Variants in UNC13C observed in about 807,000 individuals in gnomAD.
UNC13C encodes the protein protein unc-13 homolog C.
A neutral mutation model predicts 245.4 loss-of-function variants in UNC13C; 174 were observed. The ratio of observed to expected loss-of-function variants is 0.71; its 90% confidence interval spans 0.63 to 0.80. UNC13C has a LOEUF of 0.80. Among genes scored for constraint, UNC13C ranks in the 30% least tolerant of loss-of-function variants. The pLI is 0.00. For missense variants in UNC13C, 2,829 were observed against 2,602.9 expected, an observed-to-expected ratio of 1.09 and a Z score of -1.89; for synonymous variants, 992 against 895.1, an observed-to-expected ratio of 1.11 and a Z score of -1.93.
In UNC13C at chr15:54,237,782, G is replaced by A. The variant is rs2035743266; in HGVS notation, c.3228+92G>A. On this transcript the variant is annotated intron_variant, in intron 7 of 32. Coordinates refer to ENST00000260323, the MANE Select transcript of UNC13C (RefSeq NM_001080534.3). ...TCTGCTTGAGCTACTCATCTGTGAT[G>A]TTTAGTCCAATGTTCCAGAAATAAC... is the stretch of plus-strand genomic sequence containing the variant. 4 of 1,086,118 alleles carry A rather than the reference G, an allele frequency of 3.7e-6. No individual in the cohort carries two copies. The African/African-American group carries it at 4.7e-5, about 13-fold the overall frequency. The allele number at this position is 1,086,118 out of a possible 1,614,324, so 67.3% of individuals were successfully genotyped here. A position where few individuals can be genotyped will look rare whatever the true frequency, so the allele number is the denominator to read the frequency against.
intron 30 of UNC13C, among the ~76,000 whole-genome samples, chr15:54,615,846 T>G (rs1900400473): frequency 6.6e-6 from 1 of 152,006 alleles, no homozygotes; most frequent in Non-Finnish European, 1.5e-5. Context: ...ACAAGCTAGT[T>G]TGTCAGTGGA....
At chr15:54,469,503 A>C (rs566585755) in intron 19 of UNC13C, among the ~76,000 whole-genome samples, 23 of 151,480 alleles carry the variant, frequency 1.5e-4, no homozygotes, top group Non-Finnish European at 1.3e-4. Flanking sequence ...CCCCCTGTAG[A>C]TACCAAAATC....
chr15:54,012,620 ATTTAT>A (rs1183846278), intron 1 of UNC13C, among the ~76,000 whole-genome samples, 23 bp from the exon 2 acceptor site: 1 of 152,232 alleles, frequency 6.6e-6, no homozygotes, highest in African/African-American at 2.4e-5. Flanking sequence ...GAATTCTGAT[ATTTAT>A]TTTAACATTC....
chr15:54,168,986 A>G (rs754633577), intron 4 of UNC13C, among the ~76,000 whole-genome samples: 1 of 152,216 alleles, frequency 6.6e-6, no homozygotes, highest in Admixed American at 6.5e-5. Context: ...TTGATCACCT[A>G]TCAACCTAAT....
chr15:54,495,595 A>T (rs1357001853), intron 20 of UNC13C, among the ~76,000 whole-genome samples: 1 of 152,048 alleles, frequency 6.6e-6, no homozygotes, highest in Non-Finnish European at 1.5e-5. Flanking sequence ...ATAATTATGG[A>T]GGTAAGAATA....
At chr15:53,931,923 A>G in the UNC13C span, among the ~76,000 whole-genome samples, 1 of 152,192 alleles carries the variant, frequency 6.6e-6, no homozygotes, top group African/African-American at 2.4e-5. Context: ...ATTGTTTAAC[A>G]TCTGGCCTAC....
chr15:54,387,725 C>G (rs1363403371), intron 17 of UNC13C, among the ~76,000 whole-genome samples: 1 of 152,110 alleles, frequency 6.6e-6, no homozygotes, highest in Non-Finnish European at 1.5e-5. Flanking sequence ...CATATGAGAG[C>G]TATCTAGTGA....
chr15:54,022,305 T>C (rs1014673046), intron 2 of UNC13C, among the ~76,000 whole-genome samples: 9 of 151,976 alleles, frequency 5.9e-5, no homozygotes, highest in African/African-American at 2.2e-4. Flanking sequence ...CACACTGTGG[T>C]TTTTTGGCTG....
chr15:54,028,298 C>A (rs1566960480), intron 2 of UNC13C, among the ~76,000 whole-genome samples: 2 of 152,148 alleles, frequency 1.3e-5, no homozygotes, highest in Non-Finnish European at 2.9e-5. Flanking sequence ...TTGAATAAGG[C>A]CGGGCAACTT....
intron 4 of UNC13C, among the ~76,000 whole-genome samples, chr15:54,182,214 G>A (rs2033824929): frequency 1.3e-5 from 2 of 151,822 alleles, no homozygotes; most frequent in Non-Finnish European, 2.9e-5. Flanking sequence ...TTCCTTCGAT[G>A]CCTAGTTTCT....
the UNC13C span, among the ~76,000 whole-genome samples, chr15:53,968,978 C>T: frequency 7.2e-5 from 11 of 152,276 alleles, no homozygotes; most frequent in African/African-American, 2.2e-4. Flanking sequence ...AATTTTATCA[C>T]GCTCGACTGA....
chr15:53,927,989 C>T, the UNC13C span, among the ~76,000 whole-genome samples: 1 of 152,142 alleles, frequency 6.6e-6, no homozygotes, highest in Non-Finnish European at 1.5e-5. Context: ...AGTTTGACAA[C>T]TTCAGAAATA....
At chr15:54,236,018 T>TAA (rs11465193) in intron 5 of UNC13C, among the ~76,000 whole-genome samples, 12,215 of 146,746 alleles carry the variant, frequency 0.083, 1,717 homozygotes, top group African/African-American at 0.29. Flanking sequence ...CATTAGATTG[T>TAA]AAAAAAAAAA....
At chr15:54,438,164 T>G (rs1890322683) in intron 19 of UNC13C, among the ~76,000 whole-genome samples, 1 of 151,914 alleles carries the variant, frequency 6.6e-6, no homozygotes, top group Non-Finnish European at 1.5e-5. Context: ...CACATTAACT[T>G]TTCAATGTAA....
intron 4 of UNC13C, among the ~76,000 whole-genome samples, chr15:54,211,914 A>G (rs1241627845): frequency 6.6e-6 from 1 of 151,852 alleles, no homozygotes; most frequent in Non-Finnish European, 1.5e-5. Context: ...TCCCTCTTAC[A>G]TTGTCCCTGG....
intron 2 of UNC13C, among the ~76,000 whole-genome samples, chr15:54,081,330 C>A (rs553234401): frequency 1.3e-5 from 2 of 152,122 alleles, no homozygotes; most frequent in East Asian, 3.9e-4. Flanking sequence ...CAATTTAAGT[C>A]CTGAGTTACT....
Position 54,338,383 on chromosome 15 carries a change from C to T in UNC13C, c.4607C>T (p.Pro1536Leu), listed in dbSNP as rs2038645460. 1.2e-6 allele frequency: 2 copies of T among 1,612,534 alleles called. No individual in the cohort carries two copies. The highest frequency in any genetic ancestry group is 1.3e-5 in the African/African-American group (1 of 74,870). The change falls in exon 17 of 33, where the codon CCA becomes CTA. Residue 1536 changes from proline to leucine, a missense_variant. Physicochemically the swap from Pro to Leu is moderately conservative, Grantham distance 98. Transcript: ENST00000260323. ...CAGGTTCTGGAGCTGCAAAGCCCCCCAAAAGCGAGCATGGTGGTGAAGGAC... is the reference window on the plus strand; with the variant it reads ...CAGGTTCTGGAGCTGCAAAGCCCCCTAAAAGCGAGCATGGTGGTGAAGGAC... ...RMKVLELQSP[P>L]KASMVVKDCV...
intron 8 of UNC13C, among the ~76,000 whole-genome samples, chr15:54,257,653 C>T (rs955791631): frequency 2.6e-5 from 4 of 152,152 alleles, no homozygotes; most frequent in African/African-American, 9.7e-5. Context: ...TACAGGCTCT[C>T]ACCTACAGGA....
chr15:54,429,950 T>G (rs576556936), intron 19 of UNC13C, among the ~76,000 whole-genome samples: 1 of 151,786 alleles, frequency 6.6e-6, no homozygotes, highest in East Asian at 1.9e-4. Flanking sequence ...ATGCATATGG[T>G]ACATCAAAAT....
Sources: gnomAD v4.1 joint callset for allele counts (sites outside exome capture counted in the v4.1 genomes callset) on GRCh38, gnomAD v4.1.1 for gene constraint, MANE v1.5 for transcripts, NCBI Gene and HGNC (gene_info 2026-07-23, HGNC 2026-07-21) for gene names.